The following TRAPPC9 variants were observed in gnomAD, a reference collection of about 807,000 sequenced individuals.
TRAPPC9 encodes the protein IKK2 binding protein.
Under a neutral mutation model 124.0 loss-of-function variants are expected in TRAPPC9, and 83 were observed. That is an observed-to-expected ratio of 0.67 (90% CI 0.56 to 0.80). The LOEUF (loss-of-function observed/expected upper bound fraction) is 0.80, where lower values mean the gene tolerates loss of function less well. Ranked by LOEUF, TRAPPC9 falls within the 30% of genes least tolerant of loss-of-function variation. The pLI is 0.00. For missense variants in TRAPPC9, 1,302 were observed against 1,508.3 expected (o/e 0.86, Z 2.27); for synonymous variants, 638 against 617.5 (o/e 1.03, Z -0.49).
chr8:140,429,912 C>T (rs2070573338), intron 4 of TRAPPC9, among the ~76,000 whole-genome samples: 1 of 152,032 alleles, frequency 6.6e-6, no homozygotes, highest in Non-Finnish European at 1.5e-5. Context: ...TTTGGGAGGC[C>T]GAGGTGGGCA....
In TRAPPC9 at chr8:139,728,790, C is replaced by T. The variant is rs960448601; in HGVS notation, c.*2271G>A. Among the ~76,000 whole-genome samples, 2 of 152,224 alleles carry T rather than the reference C, an allele frequency of 1.3e-5. No individual in the cohort carries two copies. Among genetic ancestry groups the T allele is most frequent in the African/African-American group, 4.8e-5 (2 of 41,462 alleles). ...TCTAACACCCCCTCCTCCAAGAAGA[C>T]AACTTTGCCTCCTGCCCCTTGAGGT... On this transcript the variant is annotated 3_prime_UTR_variant, in exon 23 of 23. Transcript: ENST00000438773.
At chr8:139,763,657 C>T (rs868355547) in intron 21 of TRAPPC9, among the ~76,000 whole-genome samples, 3 of 151,982 alleles carry the variant, frequency 2.0e-5, no homozygotes, top group South Asian at 2.1e-4. Flanking sequence ...CAGGCACATG[C>T]ACACACATGC....
At chr8:139,819,794 A>T (rs1012438565) in intron 21 of TRAPPC9, among the ~76,000 whole-genome samples, 1 of 152,050 alleles carries the variant, frequency 6.6e-6, no homozygotes, top group African/African-American at 2.4e-5. Context: ...TGGGTGGATC[A>T]TGAGGTCAGG....
intron 17 of TRAPPC9, among the ~76,000 whole-genome samples, chr8:140,211,551 C>T (rs1173068830): frequency 2.0e-5 from 3 of 152,156 alleles, no homozygotes; most frequent in African/African-American, 7.2e-5. Context: ...AGAGCACAAC[C>T]CTGTCTCTTA....
intron 17 of TRAPPC9, among the ~76,000 whole-genome samples, chr8:140,024,989 G>A (rs1290196993): frequency 6.6e-6 from 1 of 152,208 alleles, no homozygotes; most frequent in Non-Finnish European, 1.5e-5. Flanking sequence ...GCTGCACAGT[G>A]GGGAGTACTC....
At chr8:140,300,808 C>T (rs1436229949) in intron 10 of TRAPPC9, among the ~76,000 whole-genome samples, 194 bp from the exon 11 acceptor site, 1 of 152,232 alleles carries the variant, frequency 6.6e-6, no homozygotes, top group Admixed American at 6.5e-5. Context: ...TTCTCCCAGA[C>T]AGGGGAAATC....
chr8:139,810,102 C>G (rs1824335838), intron 21 of TRAPPC9, among the ~76,000 whole-genome samples: 1 of 152,166 alleles, frequency 6.6e-6, no homozygotes. Flanking sequence ...CACAGAGAGA[C>G]AGACAGTGCC....
intron 17 of TRAPPC9, among the ~76,000 whole-genome samples, chr8:140,038,711 C>T (rs777416520): frequency 1.3e-5 from 2 of 152,206 alleles, no homozygotes; most frequent in Admixed American, 6.5e-5. Context: ...AAAAACCCCA[C>T]GAAGGGAGAG....
chr8:139,895,291 G>A (rs1830597435), intron 20 of TRAPPC9, among the ~76,000 whole-genome samples: 1 of 152,180 alleles, frequency 6.6e-6, no homozygotes, highest in South Asian at 2.1e-4. Context: ...AGAGGAGAGA[G>A]AACATTGCCT....
At chr8:140,159,365 G>A (rs975747756) in intron 17 of TRAPPC9, among the ~76,000 whole-genome samples, 5 of 152,108 alleles carry the variant, frequency 3.3e-5, no homozygotes, top group African/African-American at 1.2e-4. Context: ...CACAGAGCAG[G>A]CCCTCAGGAG....
chr8:139,747,150 C>T (rs1818953851), intron 21 of TRAPPC9, among the ~76,000 whole-genome samples: 1 of 152,222 alleles, frequency 6.6e-6, no homozygotes, highest in Non-Finnish European at 1.5e-5. Context: ...TCTCTCAAGC[C>T]TGTCTAAATA....
chr8:139,768,322 C>A (rs1820717992), intron 21 of TRAPPC9, among the ~76,000 whole-genome samples: 1 of 152,224 alleles, frequency 6.6e-6, no homozygotes, highest in South Asian at 2.1e-4. Flanking sequence ...GGAGCCACAG[C>A]AGTGAATATG....
chr8:140,405,135 A>T (rs1346751371), intron 6 of TRAPPC9, among the ~76,000 whole-genome samples: 1 of 152,232 alleles, frequency 6.6e-6, no homozygotes, highest in Admixed American at 6.5e-5. Flanking sequence ...CCAAACTAAA[A>T]AGAAGGGTGC....
At chr8:140,328,154 C>T (rs1588157124) in intron 9 of TRAPPC9, among the ~76,000 whole-genome samples, 1 of 152,042 alleles carries the variant, frequency 6.6e-6, no homozygotes, top group South Asian at 2.1e-4. Context: ...ACTCAAGAGG[C>T]TCAGACAGAA....
At chr8:139,924,986 G>A (rs1024828464) in intron 19 of TRAPPC9, among the ~76,000 whole-genome samples, 2 of 152,216 alleles carry the variant, frequency 1.3e-5, no homozygotes, top group Non-Finnish European at 1.5e-5. Context: ...CAGACGGCCT[G>A]CAGCGGCCAC....
intron 17 of TRAPPC9, among the ~76,000 whole-genome samples, chr8:140,220,321 C>T (rs1314180292): frequency 1.3e-5 from 2 of 152,190 alleles, no homozygotes; most frequent in East Asian, 1.9e-4. Flanking sequence ...TTGGTAGCTC[C>T]GTGCATGTGC....
At position 140,438,543 on chromosome 8, in the gene TRAPPC9, G is replaced by A. The variant is rs55971459; in HGVS notation, c.730+509C>T. ...GTGGGCAGGGCCTCCTTCAGAGGAC[G>A]CATGGCAGGGTGGGAGGAGGGCAGC... On this transcript the variant is annotated intron_variant, in intron 3 of 22. Coordinates refer to ENST00000438773, the MANE Select transcript of TRAPPC9 (RefSeq NM_001160372.4). Among the ~76,000 whole-genome samples the A allele has an allele frequency of 1.1e-3, 169 of 152,252 alleles. 1 individual carries two copies. Among genetic ancestry groups the A allele is most frequent in the African/African-American group, 3.6e-3 (148 of 41,544 alleles).
At chr8:140,177,295 C>T (rs2062091265) in intron 17 of TRAPPC9, among the ~76,000 whole-genome samples, 1 of 152,108 alleles carries the variant, frequency 6.6e-6, no homozygotes, top group Non-Finnish European at 1.5e-5. Flanking sequence ...AGTCTATGAT[C>T]CATTTTGATC....
At position 139,811,753 on chromosome 8, in the gene TRAPPC9, G is replaced by T. The variant is rs573769520; in HGVS notation, c.3055+74126C>A. Among the ~76,000 whole-genome samples, 5 of 152,300 alleles carry T rather than the reference G, an allele frequency of 3.3e-5. No individual in the cohort carries two copies. The South Asian group carries it at 8.3e-4, about 25-fold the overall frequency. On this transcript the variant is annotated intron_variant, in intron 21 of 22. Coordinates refer to ENST00000438773, the MANE Select transcript of TRAPPC9 (RefSeq NM_001160372.4). ...ATCCTAAATTCACCTGACTGATAAA[G>T]AATCTAAATCCTAAATTCTGCTGAG...
Sources: gnomAD v4.1 joint callset for allele counts (sites outside exome capture counted in the v4.1 genomes callset) on GRCh38, gnomAD v4.1.1 for gene constraint, MANE v1.5 for transcripts, NCBI Gene and HGNC (gene_info 2026-07-23, HGNC 2026-07-21) for gene names.